Variants in JAKMIP2 observed in about 807,000 individuals in gnomAD.
JAKMIP2 encodes janus kinase and microtubule interacting protein 2.
Under a neutral mutation model 115.0 loss-of-function variants are expected in JAKMIP2, and 25 were observed. The observed-to-expected ratio is 0.22, with a 90% CI of 0.16 to 0.30. The LOEUF (loss-of-function observed/expected upper bound fraction) is 0.30, where lower values mean the gene tolerates loss of function less well. JAKMIP2 is among the 10% of genes least tolerant of loss of function. The probability of loss-of-function intolerance (pLI) is 1.00; values close to 1 mark genes in which losing one functional copy is unlikely to be tolerated. For synonymous variants in JAKMIP2, 334 were observed against 343.6 expected (o/e 0.97, Z 0.31); for missense variants, 642 against 957.6 (o/e 0.67, Z 4.35).
At chr5:147,753,812 A>ATTT (rs34633628) in intron 1 of JAKMIP2, among the ~76,000 whole-genome samples, 3 of 141,510 alleles carry the variant, frequency 2.1e-5, no homozygotes, top group Admixed American at 2.1e-4. Flanking sequence ...AGCAGAATGT[A>ATTT]TTTTTTTTTT....
chr5:147,664,442 TG>T (rs1424987626), intron 2 of JAKMIP2, among the ~76,000 whole-genome samples: 2 of 151,964 alleles, frequency 1.3e-5, no homozygotes, highest in Non-Finnish European at 1.5e-5. Flanking sequence ...GTGCTCTAGG[TG>T]GGGGGGATTA....
chr5:147,639,677 T>C lies in JAKMIP2; in HGVS notation c.1485A>G (p.Leu495=), dbSNP rs778400314. 3.1e-6 allele frequency: 5 copies of C among 1,613,824 alleles called. No individual in the cohort carries two copies. The highest frequency in any genetic ancestry group is 4.2e-6 in the Non-Finnish European group (5 of 1,179,894). ...CGATGATGCCTCCCGTCTGCTCCTG[T>C]AGGAGGGCATATGCTCTTTGGAGGG... ...YQALQRAYAL[L]QEQTGGIIDA... Residue 495 remains leucine, a synonymous_variant, in exon 10 of 22, where the codon CTA becomes CTG. Transcript: ENST00000616793.
At chr5:147,595,760 T>C (rs967551411) in intron 21 of JAKMIP2, among the ~76,000 whole-genome samples, 2 of 152,204 alleles carry the variant, frequency 1.3e-5, no homozygotes, top group Non-Finnish European at 2.9e-5. Context: ...TAAAAGTATT[T>C]ATTGATTGTT....
intron 1 of JAKMIP2, among the ~76,000 whole-genome samples, chr5:147,680,970 T>A (rs1760233170): frequency 6.6e-6 from 1 of 152,204 alleles, no homozygotes; most frequent in South Asian, 2.1e-4. Context: ...AATTTCCAGG[T>A]TTGTATGACT....
intron 1 of JAKMIP2, among the ~76,000 whole-genome samples, chr5:147,751,231 C>T (rs1175200353): frequency 6.6e-6 from 1 of 151,304 alleles, no homozygotes; most frequent in Admixed American, 6.6e-5. Context: ...GCCGCCAGGC[C>T]CGGCTAAGTT....
At chr5:147,757,531 C>T (rs1011652276) in intron 1 of JAKMIP2, among the ~76,000 whole-genome samples, 46 of 152,036 alleles carry the variant, frequency 3.0e-4, no homozygotes, top group Admixed American at 1.2e-3. Context: ...GGAGTCTAAT[C>T]GTCCTTGGTG....
At chr5:147,660,082 G>A (rs980220544) in intron 3 of JAKMIP2, among the ~76,000 whole-genome samples, 1 of 152,188 alleles carries the variant, frequency 6.6e-6, no homozygotes, top group Non-Finnish European at 1.5e-5. Flanking sequence ...TAGTTGATGT[G>A]ATAACATTAA....
rs1034031358 is a variant in JAKMIP2, at chr5:147,618,211, C to G, written c.2143-97G>C. 3.5e-6 allele frequency: 3 copies of G among 865,594 alleles called. No individual in the cohort carries two copies. The African/African-American group carries it at 5.0e-5, about 15-fold the overall frequency. The allele number at this position is 865,594 out of a possible 1,614,324, so 53.6% of individuals were successfully genotyped here. On this transcript the variant is annotated intron_variant, in intron 18 of 21. Transcript: ENST00000616793. Reference sequence around the variant, plus strand: ...GTATGTATATGTATATGGCTGCCAACTTTAGGCTTATAGGATCTTAGCAAG... The same window carrying G: ...GTATGTATATGTATATGGCTGCCAAGTTTAGGCTTATAGGATCTTAGCAAG...
chr5:147,722,575 G>C (rs1266550638), intron 1 of JAKMIP2, among the ~76,000 whole-genome samples: 2 of 152,082 alleles, frequency 1.3e-5, no homozygotes, highest in Non-Finnish European at 2.9e-5. Flanking sequence ...TTTGACCTGT[G>C]GTTTTAAAAT....
At chr5:147,694,207 G>A (rs1751997084) in intron 1 of JAKMIP2, among the ~76,000 whole-genome samples, 1 of 145,912 alleles carries the variant, frequency 6.9e-6, no homozygotes, top group South Asian at 2.2e-4. Flanking sequence ...TGCCTACACT[G>A]GGAAGATTCC....
intron 17 of JAKMIP2, 28 bp downstream of exon 17, chr5:147,623,593 T>A: frequency 6.7e-7 from 1 of 1,495,176 alleles, no homozygotes; most frequent in Non-Finnish European, 9.3e-7. Flanking sequence ...TTTTTCTTAA[T>A]TTTTACAATA....
In JAKMIP2 at chr5:147,663,442, C is replaced by T. The variant is rs562552455; in HGVS notation, c.130-1997G>A. Reference sequence around the variant, plus strand: ...TTTCTCTTGTGCTGGATGCCTCCTGCCCTTGGATATCAGACTCCAAGTTCT... The same window carrying T: ...TTTCTCTTGTGCTGGATGCCTCCTGTCCTTGGATATCAGACTCCAAGTTCT... On this transcript the variant is annotated intron_variant, in intron 2 of 21. Transcript: ENST00000616793. Among the ~76,000 whole-genome samples, 75 of 152,232 alleles carry T rather than the reference C, an allele frequency of 4.9e-4. 1 individual carries two copies. In the South Asian group the frequency reaches 0.015, roughly 30 times the overall value.
At chr5:147,620,787 G>A in intron 17 of JAKMIP2, 44 bp from the exon 18 acceptor site, 2 of 1,347,410 alleles carry the variant, frequency 1.5e-6, no homozygotes, top group Non-Finnish European at 2.1e-6. Flanking sequence ...TAGTTAACTA[G>A]AAAGTGACGT....
intron 1 of JAKMIP2, among the ~76,000 whole-genome samples, chr5:147,678,524 T>C (rs1760092880): frequency 6.6e-6 from 1 of 152,216 alleles, no homozygotes; most frequent in African/African-American, 2.4e-5. Flanking sequence ...ATCCATTTAT[T>C]TGGTGATGGA....
chr5:147,617,880 C>T (rs749945269), intron 19 of JAKMIP2, 31 bp downstream of exon 19: 3 of 1,585,268 alleles, frequency 1.9e-6, no homozygotes, highest in South Asian at 1.1e-5. Context: ...CTAGTACTAA[C>T]CCTACGCAGA....
intron 5 of JAKMIP2, among the ~76,000 whole-genome samples, chr5:147,646,611 G>A (rs1758141350): frequency 6.6e-6 from 1 of 151,676 alleles, no homozygotes; most frequent in African/African-American, 2.4e-5. Flanking sequence ...AAGTGTGTTT[G>A]TGTGTGTATA....
intron 15 of JAKMIP2, 134 bp downstream of exon 15, chr5:147,629,559 T>C: frequency 1.6e-6 from 1 of 607,006 alleles, no homozygotes; most frequent in Non-Finnish European, 2.8e-6. Context: ...AAATTGTATA[T>C]TCTTCCCAAG....
intron 2 of JAKMIP2, among the ~76,000 whole-genome samples, chr5:147,669,566 T>C (rs756957865): frequency 1.3e-5 from 2 of 152,208 alleles, no homozygotes; most frequent in Non-Finnish European, 2.9e-5. Flanking sequence ...CATCAGTTTG[T>C]TCTCTGGAAA....
At chr5:147,688,737 G>A (rs1033012550) in intron 1 of JAKMIP2, among the ~76,000 whole-genome samples, 1 of 152,172 alleles carries the variant, frequency 6.6e-6, no homozygotes, top group African/African-American at 2.4e-5. Context: ...CATGGAATAA[G>A]GCCGGTAAAG....
Sources: allele counts gnomAD v4.1 joint callset (sites outside exome capture counted in the v4.1 genomes callset), GRCh38; gene constraint gnomAD v4.1.1; transcripts MANE v1.5; gene names NCBI Gene and HGNC (gene_info 2026-07-23, HGNC 2026-07-21).